The following APP variants were observed in gnomAD, a reference collection of about 807,000 sequenced individuals.
The protein encoded by APP is amyloid-beta precursor protein.
A neutral mutation model predicts 101.4 loss-of-function variants in APP; 31 were observed. That is an observed-to-expected ratio of 0.31 (90% CI 0.23 to 0.41). The LOEUF (loss-of-function observed/expected upper bound fraction) is 0.41, where lower values mean the gene tolerates loss of function less well. APP is among the 10% of genes least tolerant of loss of function. The probability of loss-of-function intolerance (pLI) is 1.00; values close to 1 mark genes in which losing one functional copy is unlikely to be tolerated. For missense variants in APP, 839 were observed against 1,003.7 expected (o/e 0.84, Z 2.22); for synonymous variants, 366 against 364.4 (o/e 1.00, Z -0.05).
chr21:25,985,385 C>T (rs1006636072), intron 8 of APP, among the ~76,000 whole-genome samples: 3 of 151,764 alleles, frequency 2.0e-5, no homozygotes, highest in Non-Finnish European at 1.5e-5. Context: ...GTAAATCACC[C>T]TCCTCAACAT....
chr21:25,933,081 T>A (rs2040215960), intron 13 of APP, among the ~76,000 whole-genome samples: 1 of 152,330 alleles, frequency 6.6e-6, no homozygotes, highest in African/African-American at 2.4e-5. Flanking sequence ...TAATGGGATA[T>A]CCATCACTTA....
chr21:26,131,281 G>C (rs74977700), intron 1 of APP, among the ~76,000 whole-genome samples: 4,178 of 151,704 alleles, frequency 0.028, 198 homozygotes, highest in African/African-American at 0.096. Flanking sequence ...AAAAAAAAAG[G>C]TCTGTTGTCA....
intron 3 of APP, among the ~76,000 whole-genome samples, chr21:26,055,536 C>T (rs1444168195): frequency 6.6e-6 from 1 of 152,140 alleles, no homozygotes; most frequent in Non-Finnish European, 1.5e-5. Flanking sequence ...TTTCTGAGGG[C>T]TCTCAGGGTT....
At chr21:26,152,786 T>C (rs1426510049) in intron 1 of APP, among the ~76,000 whole-genome samples, 4 of 152,202 alleles carry the variant, frequency 2.6e-5, no homozygotes. Context: ...GCAATCTTAA[T>C]ACTGGGTATC....
rs187383379 is a variant in APP, at chr21:26,090,760, C to A, written c.226-688G>T. On this transcript the variant is annotated intron_variant, in intron 2 of 17. Transcript: ENST00000346798. ...CCCTATCTCTCACTAATCGGACAAA[C>A]ATTTTACAGGATATGACACATAGAA... 9.1e-4 allele frequency among the ~76,000 whole-genome samples: 138 copies of A among 152,292 alleles called. 2 individuals carry two copies. In the East Asian group the frequency reaches 0.015, roughly 17 times the overall value.
chr21:25,970,238 A>G (rs908726714), intron 11 of APP, among the ~76,000 whole-genome samples: 1 of 152,136 alleles, frequency 6.6e-6, no homozygotes, highest in Non-Finnish European at 1.5e-5. Context: ...ATCCCCTTTG[A>G]TAAAAGATGA....
At chr21:25,962,366 C>T (rs1319245898) in intron 11 of APP, among the ~76,000 whole-genome samples, 2 of 152,232 alleles carry the variant, frequency 1.3e-5, no homozygotes, top group Non-Finnish European at 2.9e-5. Flanking sequence ...GAAACAAGAG[C>T]GTAATGTATT....
intron 13 of APP, among the ~76,000 whole-genome samples, chr21:25,917,529 C>A (rs1165368290): frequency 6.6e-6 from 1 of 152,118 alleles, no homozygotes; most frequent in Admixed American, 6.5e-5. Flanking sequence ...AATTATTAAT[C>A]CACTAGCCAA....
intron 1 of APP, among the ~76,000 whole-genome samples, chr21:26,142,140 GC>G (rs1744360846): frequency 1.3e-5 from 2 of 152,204 alleles, no homozygotes; most frequent in Admixed American, 1.3e-4. Flanking sequence ...TGATAACGCT[GC>G]TGTCTCATGG....
At chr21:26,091,729 A>C (rs1319806513) in intron 2 of APP, among the ~76,000 whole-genome samples, 2 of 152,140 alleles carry the variant, frequency 1.3e-5, no homozygotes, top group Non-Finnish European at 2.9e-5. Context: ...GGGGGCTTTT[A>C]GGGAAGAGAA....
chr21:25,883,395 TC>T (rs1271579294), intron 17 of APP, among the ~76,000 whole-genome samples: 1 of 150,312 alleles, frequency 6.7e-6, no homozygotes. Context: ...AGAGTGAGAC[TC>T]CATCTCCAAG....
chr21:26,154,981 G>A (rs1000272667), intron 1 of APP, among the ~76,000 whole-genome samples: 6 of 152,238 alleles, frequency 3.9e-5, no homozygotes, highest in African/African-American at 1.4e-4. Flanking sequence ...ATCAGGTGCG[G>A]TGGCTCACAA....
intron 3 of APP, among the ~76,000 whole-genome samples, chr21:26,069,458 G>A (rs1425251399): frequency 6.6e-6 from 1 of 152,142 alleles, no homozygotes; most frequent in Non-Finnish European, 1.5e-5. Context: ...GCAGTTATCA[G>A]GGGAGGCTTC....
intron 1 of APP, among the ~76,000 whole-genome samples, chr21:26,126,589 G>A (rs1003203235): frequency 2.6e-5 from 4 of 152,002 alleles, no homozygotes; most frequent in Non-Finnish European, 4.4e-5. Flanking sequence ...GAGGTTCAAA[G>A]TTCTTGGCAA....
At chr21:25,925,005 T>C (rs1335433759) in intron 13 of APP, among the ~76,000 whole-genome samples, 1 of 152,230 alleles carries the variant, frequency 6.6e-6, no homozygotes, top group African/African-American at 2.4e-5. Context: ...CCAATTCTTA[T>C]CTTTTAAATA....
intron 1 of APP, among the ~76,000 whole-genome samples, chr21:26,152,299 AAAAAAAAAT>A (rs1245360385): frequency 1.3e-5 from 2 of 149,616 alleles, no homozygotes; most frequent in Non-Finnish European, 3.0e-5. Flanking sequence ...AAAAAAAAAA[AAAAAAAAAT>A]GGGCCAAGGA....
intron 2 of APP, among the ~76,000 whole-genome samples, chr21:26,094,357 C>T (rs1190335360): frequency 6.6e-6 from 1 of 151,850 alleles, no homozygotes; most frequent in African/African-American, 2.4e-5. Flanking sequence ...AGAGCAAGAC[C>T]CTTTTGATAA....
intron 15 of APP, among the ~76,000 whole-genome samples, chr21:25,904,744 TAAAGAAA>T (rs1307967681): frequency 1.3e-5 from 2 of 150,756 alleles, no homozygotes; most frequent in Non-Finnish European, 2.9e-5. Flanking sequence ...TTGTTTGTTT[TAAAGAAA>T]AAAGAAAAAA....
At chr21:26,047,857 T>G (rs1043959069) in intron 5 of APP, among the ~76,000 whole-genome samples, 5 of 152,232 alleles carry the variant, frequency 3.3e-5, no homozygotes, top group African/African-American at 1.2e-4. Context: ...AAAAGAAGTG[T>G]TAAGACTTCT....
Sources: allele counts gnomAD v4.1 joint callset (sites outside exome capture counted in the v4.1 genomes callset), GRCh38; gene constraint gnomAD v4.1.1; transcripts MANE v1.5; gene names NCBI Gene and HGNC (gene_info 2026-07-23, HGNC 2026-07-21).